SLC9D1: variants seen among roughly 807,000 people sequenced by gnomAD.
SLC9D1 encodes the protein putative LAG1-interacting protein.
the SLC9D1 span, chr13:113,499,940 AT>A: frequency 7.2e-7 from 1 of 1,386,362 alleles, no homozygotes. Flanking sequence ...TAATTGCATA[AT>A]ATTATTATTC....
chr13:113,549,777 T>G, the SLC9D1 span: 2 of 695,142 alleles, frequency 2.9e-6, no homozygotes, highest in Non-Finnish European at 5.3e-6. Flanking sequence ...GACACTGCGT[T>G]TTACCGATCA....
At chr13:113,543,120 T>TA in the SLC9D1 span, among the ~76,000 whole-genome samples, 20 of 63,268 alleles carry the variant, frequency 3.2e-4, no homozygotes, top group African/African-American at 1.3e-3. Context: ...CCCCCAGCCC[T>TA]CCCTGTCCGT....
the SLC9D1 span, among the ~76,000 whole-genome samples, chr13:113,511,178 G>A: frequency 5.1e-4 from 76 of 148,492 alleles, no homozygotes; most frequent in Non-Finnish European, 1.0e-3. Flanking sequence ...GTTTCTGACA[G>A]CCTGCCTACC....
At chr13:113,527,249 C>T in the SLC9D1 span, 2 of 152,186 alleles carry the variant, frequency 1.3e-5, no homozygotes. Flanking sequence ...CTTCTCATAC[C>T]TGTTTTTACC....
chr13:113,536,010 T>C, the SLC9D1 span, among the ~76,000 whole-genome samples: 2 of 152,350 alleles, frequency 1.3e-5, no homozygotes, highest in African/African-American at 2.4e-5. Flanking sequence ...GATGTTACCA[T>C]TGGGGAAACT....
chr13:113,492,335 T>C, the SLC9D1 span, among the ~76,000 whole-genome samples: 1 of 152,230 alleles, frequency 6.6e-6, no homozygotes, highest in African/African-American at 2.4e-5. Flanking sequence ...TATTTTGAGA[T>C]GGTTGTAGAT....
At chr13:113,520,695 G>A in the SLC9D1 span, 1 of 1,613,934 alleles carries the variant, frequency 6.2e-7, no homozygotes, top group Admixed American at 1.7e-5. Flanking sequence ...TGGCCGTCAT[G>A]CCGACTCTCA....
chr13:113,507,768 C>A, the SLC9D1 span, among the ~76,000 whole-genome samples: 1 of 152,246 alleles, frequency 6.6e-6, no homozygotes. Context: ...GTTCTAACTA[C>A]AAATACCTGT....
chr13:113,535,060 G>A, the SLC9D1 span: 2 of 152,292 alleles, frequency 1.3e-5, no homozygotes, highest in Non-Finnish European at 2.9e-5. The surrounding 1 kb of genome is among the most constrained non-coding windows in gnomAD (Gnocchi z 4.1). Flanking sequence ...TCCAGCCTGG[G>A]CGACAGAGCA....
chr13:113,540,505 T>G, the SLC9D1 span, among the ~76,000 whole-genome samples: 1 of 152,248 alleles, frequency 6.6e-6, no homozygotes, highest in Non-Finnish European at 1.5e-5. Context: ...GAGCATTGTT[T>G]CCACATACGT....
the SLC9D1 span, among the ~76,000 whole-genome samples, chr13:113,546,315 G>GTGGGGC: frequency 1.3e-5 from 2 of 151,908 alleles, no homozygotes; most frequent in Admixed American, 1.3e-4. The surrounding 1 kb of genome is among the most constrained non-coding windows in gnomAD (Gnocchi z 7.1). Context: ...CCAGGCCGCC[G>GTGGGGC]TGGGGCTGGG....
the SLC9D1 span, among the ~76,000 whole-genome samples, chr13:113,519,373 G>A: frequency 1.4e-5 from 2 of 141,216 alleles, no homozygotes; most frequent in African/African-American, 5.5e-5. Flanking sequence ...GTAAGAAAAA[G>A]TACCTTGTTC....
chr13:113,524,815 A>AT, the SLC9D1 span, among the ~76,000 whole-genome samples: 12 of 151,970 alleles, frequency 7.9e-5, no homozygotes, highest in African/African-American at 2.4e-4. Flanking sequence ...TTGTTGGATG[A>AT]TTTTTTTAAA....
chr13:113,508,019 A>G, the SLC9D1 span, among the ~76,000 whole-genome samples: 1 of 152,268 alleles, frequency 6.6e-6, no homozygotes, highest in Non-Finnish European at 1.5e-5. Context: ...TTTCTGATGC[A>G]TGCACGGGTC....
the SLC9D1 span, among the ~76,000 whole-genome samples, chr13:113,502,728 C>G: frequency 2.8e-4 from 43 of 152,340 alleles, no homozygotes; most frequent in East Asian, 8.1e-3. Context: ...ATGAGTCCCA[C>G]TGGAGGGAGG....
the SLC9D1 span, among the ~76,000 whole-genome samples, chr13:113,507,993 G>A: frequency 2.6e-5 from 4 of 152,242 alleles, no homozygotes; most frequent in African/African-American, 9.6e-5. Context: ...TGACCTGGGC[G>A]CACCTGCAGA....
At chr13:113,496,077 A>C in the SLC9D1 span, 1 of 1,282,378 alleles carries the variant, frequency 7.8e-7, no homozygotes, top group African/African-American at 1.5e-5. Flanking sequence ...AGAGAGGTGA[A>C]GAGAGAGGGA....
chr13:113,498,246 C>T, the SLC9D1 span: 1 of 929,164 alleles, frequency 1.1e-6, no homozygotes, highest in African/African-American at 1.7e-5. Flanking sequence ...GACATATGAA[C>T]AGGGACATTT....
the SLC9D1 span, chr13:113,549,688 T>C: frequency 2.1e-6 from 2 of 933,620 alleles, no homozygotes; most frequent in Non-Finnish European, 3.5e-6. Flanking sequence ...TCCCGGCTTT[T>C]ACAGAATATT....
Sources: gnomAD v4.1 joint callset for allele counts (sites outside exome capture counted in the v4.1 genomes callset) on GRCh38, gnomAD v4.1.1 for gene constraint, Gnocchi (gnomAD v3.1) non-coding constraint, MANE v1.5 for transcripts, NCBI Gene and HGNC (gene_info 2026-07-23, HGNC 2026-07-21) for gene names.